The following MACROD2 variants were observed in gnomAD, a reference collection of about 807,000 sequenced individuals.
MACROD2 encodes the protein mono-ADP ribosylhydrolase 2.
Under a neutral mutation model 70.4 loss-of-function variants are expected in MACROD2, and 36 were observed. The ratio of observed to expected loss-of-function variants is 0.51; its 90% CI spans 0.39 to 0.68. MACROD2 has a LOEUF of 0.68. Among genes scored for constraint, MACROD2 ranks in the 30% least tolerant of loss-of-function variants. The pLI is 0.00. For missense variants in MACROD2, 496 were observed against 538.4 expected (o/e 0.92, Z 0.78); for synonymous variants, 172 against 178.8 (o/e 0.96, Z 0.30).
At chr20:14,670,092 A>AGCTTTT (rs976764478) in intron 4 of MACROD2, among the ~76,000 whole-genome samples, 11 of 151,998 alleles carry the variant, frequency 7.2e-5, no homozygotes, top group African/African-American at 2.4e-4. Context: ...TATGTTGCCG[A>AGCTTTT]GCTTTTGAGG....
intron 8 of MACROD2, among the ~76,000 whole-genome samples, chr20:15,578,465 A>G (rs891653005): frequency 8.6e-5 from 13 of 150,764 alleles, no homozygotes; most frequent in African/African-American, 3.2e-4. Flanking sequence ...TGATGCAGTT[A>G]TGGGGCCTTG....
rs3072220 is a variant in MACROD2 at position 15,910,394 on chromosome 20, A to ATGTGTGTG, written c.776-22852_776-22845dup. ...TTGTGATGTGGCCAAGTCAGAGGAC[A>ATGTGTGTG]TGTGTGTGTGTGTGTGTGTGTGTGT... On this transcript the variant is annotated intron_variant, in intron 10 of 17. Coordinates refer to ENST00000684519, the MANE Select transcript of MACROD2 (RefSeq NM_001351661.2). Among the ~76,000 whole-genome samples the ATGTGTGTG allele has an allele frequency of 1.4e-3, 210 of 146,434 alleles. 1 individual carries two copies. The South Asian group carries it at 0.015, about 11-fold the overall frequency.
chr20:15,669,992 T>C (rs1011237183), intron 8 of MACROD2, among the ~76,000 whole-genome samples: 3 of 152,220 alleles, frequency 2.0e-5, no homozygotes, highest in African/African-American at 7.2e-5. Context: ...TCAGTACTTT[T>C]ATTACCCTCA....
chr20:14,744,255 T>C (rs2071770838), intron 5 of MACROD2, among the ~76,000 whole-genome samples: 1 of 152,192 alleles, frequency 6.6e-6, no homozygotes, highest in African/African-American at 2.4e-5. Flanking sequence ...TTTTGATTCT[T>C]TGAATAGAAA....
intron 8 of MACROD2, among the ~76,000 whole-genome samples, chr20:15,672,359 A>G (rs2146838772): frequency 6.6e-6 from 1 of 150,926 alleles, no homozygotes; most frequent in East Asian, 2.0e-4. Context: ...ACACACACAC[A>G]CACACACACA....
chr20:15,635,441 C>T (rs2049348605), intron 8 of MACROD2, among the ~76,000 whole-genome samples: 1 of 152,180 alleles, frequency 6.6e-6, no homozygotes, highest in African/African-American at 2.4e-5. Flanking sequence ...TCTGCAGCAA[C>T]ATGGATGCAG....
chr20:14,177,615 C>A (rs113952866), intron 3 of MACROD2, among the ~76,000 whole-genome samples: 4 of 152,072 alleles, frequency 2.6e-5, no homozygotes, highest in African/African-American at 9.7e-5. Context: ...CACGTCAAGC[C>A]GAGATTTCTT....
At chr20:14,461,360 T>C (rs2123017061) in intron 3 of MACROD2, among the ~76,000 whole-genome samples, 1 of 152,162 alleles carries the variant, frequency 6.6e-6, no homozygotes, top group South Asian at 2.1e-4. Flanking sequence ...ATTTTGTTAA[T>C]CTTTTTAAAA....
intron 13 of MACROD2, among the ~76,000 whole-genome samples, chr20:15,972,263 A>G (rs2066243075): frequency 6.6e-6 from 1 of 152,194 alleles, no homozygotes; most frequent in Non-Finnish European, 1.5e-5. Flanking sequence ...ATATAAATGA[A>G]TGTGAATCTC....
intron 8 of MACROD2, among the ~76,000 whole-genome samples, chr20:15,796,071 C>T (rs1010388997): frequency 2.0e-5 from 3 of 152,136 alleles, no homozygotes; most frequent in Non-Finnish European, 2.9e-5. Context: ...GACTGTGTTG[C>T]ACCCCAACAC....
In MACROD2 at chr20:15,165,349, G is replaced by C. The variant is rs190921328; in HGVS notation, c.419-64591G>C. ...TGTGCAGTTGTAATCCCAGCTACTTGGGCAGCTGAGGCAGGAGAATGGCTT... is the reference window on the plus strand; with the variant it reads ...TGTGCAGTTGTAATCCCAGCTACTTCGGCAGCTGAGGCAGGAGAATGGCTT... On this transcript the variant is annotated intron_variant, in intron 5 of 17. Coordinates refer to ENST00000684519, the MANE Select transcript of MACROD2 (RefSeq NM_001351661.2). 2.6e-3 allele frequency among the ~76,000 whole-genome samples: 397 copies of C among 152,238 alleles called. 1 individual carries two copies. Among genetic ancestry groups the C allele is most frequent in the African/African-American group, 8.4e-3 (348 of 41,544 alleles).
At chr20:15,448,446 C>T (rs1241079881) in intron 7 of MACROD2, among the ~76,000 whole-genome samples, 1 of 152,086 alleles carries the variant, frequency 6.6e-6, no homozygotes, top group Non-Finnish European at 1.5e-5. Flanking sequence ...CTTCATAGCC[C>T]TTAATACAAT....
At chr20:15,703,982 C>T (rs1197481092) in intron 8 of MACROD2, among the ~76,000 whole-genome samples, 2 of 152,214 alleles carry the variant, frequency 1.3e-5, no homozygotes, top group Non-Finnish European at 2.9e-5. Flanking sequence ...ATATTTTTGA[C>T]ACAGATCAGT....
chr20:14,806,363 T>C (rs140222291), intron 5 of MACROD2, among the ~76,000 whole-genome samples: 2,047 of 152,110 alleles, frequency 0.013, 45 homozygotes, highest in African/African-American at 0.047. Flanking sequence ...TGGGGAACTC[T>C]CTCCTCTAGC....
At chr20:14,902,692 C>T (rs1321857312) in intron 5 of MACROD2, among the ~76,000 whole-genome samples, 6 of 151,998 alleles carry the variant, frequency 3.9e-5, no homozygotes, top group Non-Finnish European at 8.8e-5. Flanking sequence ...AAATAGGGAC[C>T]TTGCAGCTGT....
At chr20:15,876,199 C>T (rs175794) in intron 9 of MACROD2, among the ~76,000 whole-genome samples, 2,194 of 149,830 alleles carry the variant, frequency 0.015, 45 homozygotes, top group African/African-American at 0.045. Flanking sequence ...TGTGCCATGT[C>T]GGTGTGCTGC....
chr20:15,257,438 T>A (rs2077209369), intron 6 of MACROD2, among the ~76,000 whole-genome samples: 1 of 152,050 alleles, frequency 6.6e-6, no homozygotes, highest in Admixed American at 6.6e-5. Flanking sequence ...GTACTTTGAA[T>A]ACAGAAATAA....
At chr20:14,751,541 A>G (rs1174407499) in intron 5 of MACROD2, among the ~76,000 whole-genome samples, 3 of 152,134 alleles carry the variant, frequency 2.0e-5, no homozygotes, top group Non-Finnish European at 4.4e-5. Context: ...ATAATCAACA[A>G]TGTCAAACTT....
At chr20:14,152,925 A>G (rs752531814) in intron 3 of MACROD2, among the ~76,000 whole-genome samples, 1 of 152,122 alleles carries the variant, frequency 6.6e-6, no homozygotes, top group Admixed American at 6.5e-5. Flanking sequence ...TTAACTTTCC[A>G]TTCTGTGTTG....
Sources: gnomAD v4.1 joint callset for allele counts (sites outside exome capture counted in the v4.1 genomes callset) on GRCh38, gnomAD v4.1.1 for gene constraint, MANE v1.5 for transcripts, NCBI Gene and HGNC (gene_info 2026-07-23, HGNC 2026-07-21) for gene names.